Variants in DDAH1 observed in about 807,000 individuals in gnomAD.
DDAH1 encodes the protein dimethylarginine dimethylaminohydrolase 1.
A neutral mutation model predicts 28.8 loss-of-function variants in DDAH1; 19 were observed. The observed-to-expected ratio is 0.66, with a 90% CI of 0.46 to 0.97. The LOEUF (loss-of-function observed/expected upper bound fraction) is 0.97. Ranked by LOEUF, DDAH1 falls within the 50% of genes least tolerant of loss-of-function variation. The pLI, the probability that DDAH1 is intolerant of heterozygous loss-of-function variation, is 0.00. For synonymous variants in DDAH1, 153 were observed against 154.4 expected (o/e 0.99, Z 0.07); for missense variants, 326 against 375.9 (o/e 0.87, Z 1.10).
chr1:85,546,547 C>A (rs548050215), intron 1 of DDAH1, among the ~76,000 whole-genome samples: 5 of 152,286 alleles, frequency 3.3e-5, no homozygotes, highest in South Asian at 2.1e-4. Context: ...CATGCAAGAA[C>A]AGAAGGCAAA....
At chr1:85,358,979 A>G (rs530793713) in intron 1 of DDAH1, 132 bp from the exon 2 acceptor site, 12 of 562,652 alleles carry the variant, frequency 2.1e-5, no homozygotes, top group Non-Finnish European at 3.5e-5. Context: ...ATACACACCC[A>G]TCCTTGTGAA....
chr1:85,565,939 G>A (rs548634337), intron 1 of DDAH1, among the ~76,000 whole-genome samples: 76 of 152,170 alleles, frequency 5.0e-4, no homozygotes, highest in Non-Finnish European at 9.6e-4. Context: ...AAATTAGCTG[G>A]GTGTGGTGGC....
At chr1:85,324,305 A>C (rs1647231433) in intron 5 of DDAH1, among the ~76,000 whole-genome samples, 1 of 103,628 alleles carries the variant, frequency 9.6e-6, no homozygotes, top group Non-Finnish European at 2.2e-5. Context: ...ATAATAAATA[A>C]AAAAATAAAA....
intron 1 of DDAH1, among the ~76,000 whole-genome samples, chr1:85,390,348 T>G (rs1651486521): frequency 6.6e-6 from 1 of 152,162 alleles, no homozygotes; most frequent in Non-Finnish European, 1.5e-5. Flanking sequence ...AAAACCCAAC[T>G]GCACCATCCT....
At position 85,433,260 on chromosome 1, in the gene DDAH1, A is replaced by G. The variant is rs1198404103; in HGVS notation, c.303+31483T>C. ...ACACCCAGGACCTGGCAAGGGACTCAGGCTGGCAGACCTAGGAAGAGGGCA... is the reference window on the plus strand; with the variant it reads ...ACACCCAGGACCTGGCAAGGGACTCGGGCTGGCAGACCTAGGAAGAGGGCA... On this transcript the variant is annotated intron_variant, in intron 1 of 5. Coordinates refer to ENST00000284031, the MANE Select transcript of DDAH1 (RefSeq NM_012137.4). 2.6e-5 allele frequency among the ~76,000 whole-genome samples: 4 copies of G among 152,168 alleles called. No homozygotes were observed. In the East Asian group the frequency reaches 7.7e-4, roughly 29 times the overall value.
At chr1:85,544,721 A>T (rs1658568213) in intron 1 of DDAH1, among the ~76,000 whole-genome samples, 1 of 152,180 alleles carries the variant, frequency 6.6e-6, no homozygotes, top group Admixed American at 6.6e-5. Context: ...CTCAGGATGG[A>T]ACACGACTCC....
chr1:85,465,308 G>A (rs1168371353), upstream of DDAH1: 3 of 779,590 alleles, frequency 3.8e-6, no homozygotes, highest in African/African-American at 1.9e-5. Flanking sequence ...GTAGCGGCGA[G>A]CGCCGGGCGA....
At chr1:85,542,858 C>G (rs1332574323) in intron 1 of DDAH1, among the ~76,000 whole-genome samples, 2 of 152,186 alleles carry the variant, frequency 1.3e-5, no homozygotes, top group African/African-American at 4.8e-5. Flanking sequence ...GGTTGGCTAA[C>G]ACTGGGCGAT....
chr1:85,564,269 A>G (rs995286947), intron 1 of DDAH1, among the ~76,000 whole-genome samples: 63 of 152,306 alleles, frequency 4.1e-4, no homozygotes, highest in Admixed American at 3.7e-3. Context: ...ACCTCCCATA[A>G]AAGATTAATG....
chr1:85,454,137 A>C (rs1238406087), intron 1 of DDAH1, among the ~76,000 whole-genome samples: 7 of 152,192 alleles, frequency 4.6e-5, no homozygotes, highest in Admixed American at 6.5e-5. Context: ...CCGCCTCTGA[A>C]AAATGCAAAA....
chr1:85,364,706 G>A (rs1056291988), intron 1 of DDAH1, among the ~76,000 whole-genome samples: 3 of 151,904 alleles, frequency 2.0e-5, no homozygotes, highest in Non-Finnish European at 4.4e-5. Flanking sequence ...CACCACACCC[G>A]GCTAATTTTG....
intron 1 of DDAH1, among the ~76,000 whole-genome samples, chr1:85,447,229 G>A (rs1437155105): frequency 1.3e-5 from 2 of 152,156 alleles, no homozygotes; most frequent in Non-Finnish European, 2.9e-5. Context: ...ACCAGAGCTG[G>A]GCACCTGAAC....
intron 1 of DDAH1, among the ~76,000 whole-genome samples, chr1:85,417,197 G>T (rs898592883): frequency 6.6e-6 from 1 of 152,214 alleles, no homozygotes; most frequent in Non-Finnish European, 1.5e-5. Flanking sequence ...CGACAGCCAA[G>T]CTGGCTGGGC....
chr1:85,565,639 C>T (rs899122164), intron 1 of DDAH1, among the ~76,000 whole-genome samples: 1 of 152,134 alleles, frequency 6.6e-6, no homozygotes, highest in Non-Finnish European at 1.5e-5. Context: ...CCATTGCCAG[C>T]ACACCTGCTC....
chr1:85,441,531 C>A (rs1002420605), intron 1 of DDAH1, among the ~76,000 whole-genome samples: 3 of 91,008 alleles, frequency 3.3e-5, no homozygotes, highest in Non-Finnish European at 6.9e-5. Context: ...CAGAGTAAGA[C>A]CCCATCTCAA....
chr1:85,488,936 C>T (rs1273000288), intron 2 of DDAH1, among the ~76,000 whole-genome samples: 1 of 152,156 alleles, frequency 6.6e-6, no homozygotes, highest in Non-Finnish European at 1.5e-5. Flanking sequence ...GTTGAATTTT[C>T]TAATATGAAG....
At chr1:85,324,040 C>A (rs539302522) in intron 5 of DDAH1, among the ~76,000 whole-genome samples, 2 of 150,172 alleles carry the variant, frequency 1.3e-5, no homozygotes. Flanking sequence ...GAGGCCCAGG[C>A]GGGCAGACTG....
intron 4 of DDAH1, among the ~76,000 whole-genome samples, chr1:85,343,942 G>A (rs572185525): frequency 2.5e-4 from 38 of 152,296 alleles, no homozygotes; most frequent in Non-Finnish European, 4.9e-4. Flanking sequence ...AGAAAAACAG[G>A]CTGTGTGCTA....
chr1:85,344,588 C>T (rs942395995), intron 4 of DDAH1, among the ~76,000 whole-genome samples: 1 of 142,682 alleles, frequency 7.0e-6, no homozygotes, highest in Non-Finnish European at 1.5e-5. Context: ...TCCCTCCCTT[C>T]CCTCCCTCCC....
Sources: allele counts gnomAD v4.1 joint callset (sites outside exome capture counted in the v4.1 genomes callset), GRCh38; gene constraint gnomAD v4.1.1; transcripts MANE v1.5; gene names NCBI Gene and HGNC (gene_info 2026-07-23, HGNC 2026-07-21).